Variants in GRM3 observed in about 807,000 individuals in gnomAD.
GRM3 encodes the protein metabotropic glutamate receptor 3.
Under a neutral mutation model 70.5 loss-of-function variants are expected in GRM3, and 26 were observed. The ratio of observed to expected loss-of-function variants is 0.37; its 90% CI spans 0.27 to 0.51. GRM3 has a LOEUF of 0.51. Among genes scored for constraint, GRM3 ranks in the 20% least tolerant of loss-of-function variants. The pLI is 0.93. For missense variants in GRM3, 859 were observed against 1,123.8 expected (o/e 0.76, Z 3.37); for synonymous variants, 443 against 434.9 (o/e 1.02, Z -0.23).
intron 1 of GRM3, among the ~76,000 whole-genome samples, chr7:86,721,739 C>T (rs1257041185): frequency 6.6e-6 from 1 of 152,026 alleles, no homozygotes; most frequent in South Asian, 2.1e-4. Context: ...GTATTTGTTA[C>T]CTTGTCAAGG....
chr7:86,738,381 G>A (rs1427284613), intron 1 of GRM3, among the ~76,000 whole-genome samples: 1 of 152,182 alleles, frequency 6.6e-6, no homozygotes, highest in Non-Finnish European at 1.5e-5. Flanking sequence ...AAGTCTGACA[G>A]AGACAGAAGT....
rs111967659 is a variant in GRM3, at chr7:86,781,487, T to G, written c.469-4774T>G. On this transcript the variant is annotated intron_variant, in intron 2 of 5. Transcript: ENST00000361669. Reference sequence around the variant, plus strand: ...TTTCTTCTTTCTTCACCTGTGTAATTTTAACTTAAACTCAGGAATTTACAT... The same window carrying G: ...TTTCTTCTTTCTTCACCTGTGTAATGTTAACTTAAACTCAGGAATTTACAT... Among the ~76,000 whole-genome samples, 31 of 152,312 alleles carry G rather than the reference T, an allele frequency of 2.0e-4. 1 individual carries two copies. Among genetic ancestry groups the G allele is most frequent in the African/African-American group, 7.0e-4 (29 of 41,580 alleles).
intron 2 of GRM3, among the ~76,000 whole-genome samples, chr7:86,785,685 A>ATT (rs749456155): frequency 0.013 from 846 of 65,096 alleles, 133 homozygotes; most frequent in East Asian, 0.021. Context: ...AATAGAATTG[A>ATT]TTTTTTTTTT....
At chr7:86,779,163 T>C (rs953093780) in intron 2 of GRM3, among the ~76,000 whole-genome samples, 2 of 152,220 alleles carry the variant, frequency 1.3e-5, no homozygotes, top group Non-Finnish European at 2.9e-5. Flanking sequence ...CATTCCACAA[T>C]TGGCTATTGA....
intron 5 of GRM3, among the ~76,000 whole-genome samples, chr7:86,857,023 G>A (rs774644223): frequency 4.6e-5 from 7 of 151,970 alleles, no homozygotes; most frequent in Non-Finnish European, 8.8e-5. Context: ...CTCAAAGGCT[G>A]CTATATTGTT....
chr7:86,700,713 G>C (rs1238189143), intron 1 of GRM3, among the ~76,000 whole-genome samples: 2 of 151,878 alleles, frequency 1.3e-5, no homozygotes, highest in Admixed American at 6.6e-5. Flanking sequence ...TCCTATTCCT[G>C]ATGTTTTACA....
rs775478200 is a variant in GRM3 at position 86,839,731 on chromosome 7, C to T, written c.2217C>T (p.Ile739=). The T allele has an allele frequency of 6.2e-7, 1 of 1,614,138 alleles. No individual in the cohort carries two copies. Among genetic ancestry groups the T allele is most frequent in the South Asian group, 1.1e-5 (1 of 91,078 alleles). Residue 739 remains isoleucine, a synonymous_variant, in exon 4 of 6, where the codon ATC becomes ATT. Coordinates refer to ENST00000361669, the MANE Select transcript of GRM3 (RefSeq NM_000840.3). This position sits in a 1 kb window ranked among gnomAD's most constrained non-coding sequence, Gnocchi z 4.5. The part of the protein sequence containing the change: ...KCNVKDSSML[I]SLTYDVILVI... Reference sequence around the variant, plus strand: ...ATGTCAAAGATTCCAGCATGTTGATCTCTCTTACCTACGATGTGATCCTGG... The same window carrying T: ...ATGTCAAAGATTCCAGCATGTTGATTTCTCTTACCTACGATGTGATCCTGG...
chr7:86,686,480 A>G (rs532350556), intron 1 of GRM3, among the ~76,000 whole-genome samples: 3 of 152,352 alleles, frequency 2.0e-5, no homozygotes, highest in Middle Eastern at 3.4e-3. Context: ...TATTTCAGAG[A>G]CGTTTTTAAG....
rs140027351 is a variant in GRM3, at chr7:86,683,322, C to G, written c.-141+38450C>G. ...AGAACATGTAGGAAGAGCTGAGAGTCTGGAGCAGAGGAAATAACAAGTTCA... is the reference window on the plus strand; with the variant it reads ...AGAACATGTAGGAAGAGCTGAGAGTGTGGAGCAGAGGAAATAACAAGTTCA... On this transcript the variant is annotated intron_variant, in intron 1 of 5. Transcript: ENST00000361669. Among the ~76,000 whole-genome samples, 73 of 152,264 alleles carry G rather than the reference C, an allele frequency of 4.8e-4. No homozygotes were observed. The East Asian group carries it at 9.1e-3, about 19-fold the overall frequency.
intron 5 of GRM3, among the ~76,000 whole-genome samples, chr7:86,854,531 T>TAATAAA (rs58496134): frequency 0.12 from 18,559 of 152,080 alleles, 1,437 homozygotes; most frequent in African/African-American, 0.23. Context: ...GAAGTAAGAA[T>TAATAAA]AATAAATGAC....
chr7:86,781,429 A>G (rs1427437343), intron 2 of GRM3, among the ~76,000 whole-genome samples: 1 of 152,076 alleles, frequency 6.6e-6, no homozygotes, highest in East Asian at 1.9e-4. Context: ...GCAATATTGA[A>G]TTTTGCATTT....
chr7:86,732,998 G>C (rs192848597), intron 1 of GRM3, among the ~76,000 whole-genome samples: 27 of 152,182 alleles, frequency 1.8e-4, no homozygotes, highest in African/African-American at 6.3e-4. Flanking sequence ...ACACTGTGGG[G>C]GAAGAAGTGA....
intron 1 of GRM3, among the ~76,000 whole-genome samples, chr7:86,667,081 C>G (rs1259155334): frequency 1.3e-5 from 2 of 152,108 alleles, no homozygotes; most frequent in African/African-American, 4.8e-5. Flanking sequence ...CAGGAAGCAA[C>G]TTATCAAATC....
chr7:86,826,979 C>A (rs920041924), intron 3 of GRM3, among the ~76,000 whole-genome samples: 1 of 152,174 alleles, frequency 6.6e-6, no homozygotes, highest in Non-Finnish European at 1.5e-5. Context: ...TCTAATAAGT[C>A]TAATTGTTTA....
Position 86,789,426 on chromosome 7 carries a change from A to G in GRM3, c.1324+2310A>G, listed in dbSNP as rs548216013. ...CAGTAACCTGTATATGACTAAATAT[A>G]TGTATATTTTTAACTTAGAGCTAGG... On this transcript the variant is annotated intron_variant, in intron 3 of 5. Transcript: ENST00000361669. Among the ~76,000 whole-genome samples the G allele has an allele frequency of 5.3e-5, 8 of 152,372 alleles. No individual in the cohort carries two copies. In the South Asian group the frequency reaches 1.7e-3, roughly 32 times the overall value.
intron 1 of GRM3, among the ~76,000 whole-genome samples, chr7:86,729,144 A>G (rs1795661570): frequency 6.6e-6 from 1 of 152,166 alleles, no homozygotes; most frequent in Non-Finnish European, 1.5e-5. Flanking sequence ...TAGTTGAAGA[A>G]TGCTGATGAC....
At chr7:86,688,197 A>G (rs1323827039) in intron 1 of GRM3, among the ~76,000 whole-genome samples, 1 of 151,762 alleles carries the variant, frequency 6.6e-6, no homozygotes, top group Non-Finnish European at 1.5e-5. Flanking sequence ...ATTGTACCTA[A>G]AAACACAGAA....
At chr7:86,735,339 A>C (rs1281283116) in intron 1 of GRM3, among the ~76,000 whole-genome samples, 1 of 152,192 alleles carries the variant, frequency 6.6e-6, no homozygotes, top group African/African-American at 2.4e-5. Flanking sequence ...AAAATCAAGT[A>C]GAAATTTTTG....
At chr7:86,772,282 C>A (rs1237613944) in intron 2 of GRM3, among the ~76,000 whole-genome samples, 3 of 152,052 alleles carry the variant, frequency 2.0e-5, no homozygotes, top group African/African-American at 2.4e-5. Context: ...GGCTCAAAAT[C>A]TTTATGGGAA....
Sources: allele counts gnomAD v4.1 joint callset (sites outside exome capture counted in the v4.1 genomes callset), GRCh38; gene constraint gnomAD v4.1.1; non-coding constraint Gnocchi (gnomAD v3.1); transcripts MANE v1.5; gene names NCBI Gene and HGNC (gene_info 2026-07-23, HGNC 2026-07-21).